Variants in TAP1 observed in about 807,000 individuals in gnomAD.
TAP1 encodes the protein antigen peptide transporter 1.
A neutral mutation model predicts 79.3 loss-of-function variants in TAP1; 56 were observed. The ratio of observed to expected loss-of-function variants is 0.71; its 90% confidence interval spans 0.57 to 0.88. TAP1 has a LOEUF of 0.88. TAP1 is among the 40% of genes least tolerant of loss of function. The probability of loss-of-function intolerance (pLI) is 0.00; values close to 1 mark genes in which losing one functional copy is unlikely to be tolerated. For missense variants in TAP1, 737 were observed against 936.3 expected (o/e 0.79, Z 2.78); for synonymous variants, 355 against 401.4 (o/e 0.88, Z 1.38).
chr6:32,847,206 TGCAGA>T lies in TAP1; in HGVS notation c.1904-7_1904-3del. ...GCTGGCTCCCAGCCTCGTCTACCTC[TGCAGA>T]GCAAAGGGCCAAGATGAGAACGGTA... is the stretch of plus-strand genomic sequence containing the variant. On this transcript the variant is annotated splice_polypyrimidine_tract_variant and splice_region_variant and intron_variant, in intron 9 of 10. Transcript: ENST00000354258. This position sits in a 1 kb window ranked among gnomAD's most constrained non-coding sequence, Gnocchi z 4.7. 1 of 1,611,522 alleles carries T rather than the reference TGCAGA, an allele frequency of 6.2e-7. No individual in the cohort carries two copies. Among genetic ancestry groups the T allele is most frequent in the Non-Finnish European group, 8.5e-7 (1 of 1,180,024 alleles).
Position 32,852,710 on chromosome 6 carries a change from TATTA to T in TAP1, c.599-212_599-209del. ...TGCTCTACCAGAACTTTCAGGATTT[TATTA>T]GGAAGGCTGGAGATCATGAAGTAGA... is the stretch of plus-strand genomic sequence containing the variant. On this transcript the variant is annotated intron_variant, in intron 1 of 10. Transcript: ENST00000354258. The surrounding 1 kb of genome is among the most constrained non-coding windows in gnomAD (Gnocchi z 4.8). 5 of 1,461,890 alleles carry T rather than the reference TATTA, an allele frequency of 3.4e-6. No individual in the cohort carries two copies. The highest frequency in any genetic ancestry group is 4.5e-6 in the Non-Finnish European group (5 of 1,113,236). 90.6% of individuals were successfully genotyped at this position (1,461,890 alleles called of 1,614,324 possible). A position where few individuals can be genotyped will look rare whatever the true frequency, so the allele number is the denominator to read the frequency against.
In TAP1 at chr6:32,850,295, T is replaced by C. The variant is rs776818838; in HGVS notation, c.1248+25A>G. ...TCACGGCATCTTAAGGACAAGGGAA[T>C]GGGTATTCATCTTCAGGTGCTCACA... On this transcript the variant is annotated intron_variant, in intron 5 of 10. Transcript: ENST00000354258. The surrounding 1 kb of genome is among the most constrained non-coding windows in gnomAD (Gnocchi z 5.5). 7 of 1,610,202 alleles carry C rather than the reference T, an allele frequency of 4.3e-6. No individual in the cohort carries two copies. The highest frequency in any genetic ancestry group is 6.0e-6 in the Non-Finnish European group (7 of 1,176,376).
chr6:32,853,674 G>T lies in TAP1; in HGVS notation c.-38C>A. ...GCCGTCCCGGTCCCGGCCGGGCCTGGGACTCTCCGCGCCCCGGTGGGGCCT... is the reference window on the plus strand; with the variant it reads ...GCCGTCCCGGTCCCGGCCGGGCCTGTGACTCTCCGCGCCCCGGTGGGGCCT... On this transcript the variant is annotated 5_prime_UTR_variant, in exon 1 of 11. Transcript: ENST00000354258. This position sits in a 1 kb window ranked among gnomAD's most constrained non-coding sequence, Gnocchi z 8.3. The T allele has an allele frequency of 6.3e-7, 1 of 1,589,096 alleles. No individual in the cohort carries two copies. The highest frequency in any genetic ancestry group is 2.3e-5 in the East Asian group (1 of 43,746).
Position 32,848,780 on chromosome 6 carries a change from C to G in TAP1, c.1438G>C (p.Glu480Gln). The change falls in exon 7 of 11, where the codon GAG becomes CAG. Residue 480 changes from glutamate to glutamine, a missense_variant. Physicochemically the swap from Glu to Gln is conservative, Grantham distance 29. This residue lies in a region of TAP1 where 14 missense variants were observed against 42.0 expected (regional missense o/e 0.33). Coordinates refer to ENST00000354258, the MANE Select transcript of TAP1 (RefSeq NM_000593.6). ...CAGCGAGGGGTGCGGTCCAGGTACTCAAATATTTTCTCTGAGGAGCCCACA... is the reference window on the plus strand; with the variant it reads ...CAGCGAGGGGTGCGGTCCAGGTACTGAAATATTTTCTCTGAGGAGCCCACA... The part of the protein sequence containing the change: ...KAVGSSEKIF[E>Q]YLDRTPRCPP... 1 of 1,614,040 alleles carries G rather than the reference C, an allele frequency of 6.2e-7. No homozygotes were observed. The highest frequency in any genetic ancestry group is 8.5e-7 in the Non-Finnish European group (1 of 1,180,032).
At position 32,847,357 on chromosome 6, in the gene TAP1, T is replaced by C; in HGVS notation, c.1904-153A>G. On this transcript the variant is annotated intron_variant, in intron 9 of 10. Transcript: ENST00000354258. The surrounding 1 kb of genome is among the most constrained non-coding windows in gnomAD (Gnocchi z 4.7). ...GGAGATTCTGGGAAGATGAACAGAA[T>C]CCTGAGGATGTCAGGATGAAGAAGC... is the stretch of plus-strand genomic sequence containing the variant. 2 of 1,496,798 alleles carry C rather than the reference T, an allele frequency of 1.3e-6. No individual in the cohort carries two copies. Among genetic ancestry groups the C allele is most frequent in the South Asian group, 2.3e-5 (2 of 86,290 alleles). The allele number at this position is 1,496,798 out of a possible 1,614,324, so 92.7% of individuals were successfully genotyped here. A position where few individuals can be genotyped will look rare whatever the true frequency, so the allele number is the denominator to read the frequency against.
chr6:32,852,281 G>T lies in TAP1; in HGVS notation c.714-42C>A, dbSNP rs946552571. The T allele has an allele frequency of 6.2e-7, 1 of 1,612,878 alleles. No individual in the cohort carries two copies. Among genetic ancestry groups the T allele is most frequent in the Non-Finnish European group, 8.5e-7 (1 of 1,180,008 alleles). On this transcript the variant is annotated intron_variant, in intron 2 of 10. Transcript: ENST00000354258. This position sits in a 1 kb window ranked among gnomAD's most constrained non-coding sequence, Gnocchi z 4.8. ...AAAAAAGGGGATCAGGGTGTGTTCA[G>T]GGAACAGACTGAAGGTCCCAGGTAT...
In TAP1 at chr6:32,847,721, G is replaced by A. The variant is rs368432560; in HGVS notation, c.1741-46C>T. The A allele has an allele frequency of 3.1e-6, 5 of 1,606,506 alleles. No homozygotes were observed. The highest frequency in any genetic ancestry group is 4.3e-6 in the Non-Finnish European group (5 of 1,174,174). On this transcript the variant is annotated intron_variant, in intron 8 of 10. Coordinates refer to ENST00000354258, the MANE Select transcript of TAP1 (RefSeq NM_000593.6). The surrounding 1 kb of genome is among the most constrained non-coding windows in gnomAD (Gnocchi z 4.7). ...GAGTCATAGAACAAGGCACATGGGA[G>A]TATGGTTATCTAGAGATCGAAGACT...
intron 5 of TAP1, chr6:32,849,644 A>G (rs891014852): frequency 2.2e-5 from 4 of 183,590 alleles, no homozygotes; most frequent in Admixed American, 1.6e-4. Context: ...CCAGCTACTC[A>G]GGAGGCTGAG....
chr6:32,853,073 C>T lies in TAP1; in HGVS notation c.564G>A (p.Ser188=). 1 of 1,612,600 alleles carries T rather than the reference C, an allele frequency of 6.2e-7. No individual in the cohort carries two copies. Among genetic ancestry groups the T allele is most frequent in the Non-Finnish European group, 8.5e-7 (1 of 1,179,976 alleles). The part of the protein sequence containing the change: ...GCLGSETRRL[S]LFLVLVVLSS... ...AGAGGACCACCAGGACCAGGAACAG[C>T]GAGAGGCGGCGCGTCTCCGAGCCCA... The change falls in exon 1 of 11, where the codon TCG becomes TCA. Residue 188 remains serine, a synonymous_variant. Coordinates refer to ENST00000354258, the MANE Select transcript of TAP1 (RefSeq NM_000593.6). This position sits in a 1 kb window ranked among gnomAD's most constrained non-coding sequence, Gnocchi z 8.3.
chr6:32,846,350 G>A (rs1053752), intron 10 of TAP1: 66,508 of 165,996 alleles, frequency 0.4, 13,646 homozygotes, highest in Middle Eastern at 0.53. Flanking sequence ...GGCTGGGCCC[G>A]GTGGCTCATG....
In TAP1 at chr6:32,848,682, G is replaced by C. The variant is rs1323949044; in HGVS notation, c.1536C>G (p.Tyr512Ter). The change falls in exon 7 of 11, where the codon TAC (tyrosine) becomes TAG (stop). Residue 512 changes from tyrosine (Y) to a stop codon, truncating the protein, a stop_gained. Transcript: ENST00000354258. LOFTEE classifies it high-confidence loss of function. ...LVQFQDVSFA[Y>*]PNRPDVLVLQ... ...GCACTAAGACATCTGGGCGGTTTGGGTAGGCAAAGGAGACATCTTGGAACT... is the reference window on the plus strand; with the variant it reads ...GCACTAAGACATCTGGGCGGTTTGGCTAGGCAAAGGAGACATCTTGGAACT... The C allele has an allele frequency of 6.2e-7, 1 of 1,614,008 alleles. No individual in the cohort carries two copies. Among genetic ancestry groups the C allele is most frequent in the Non-Finnish European group, 8.5e-7 (1 of 1,180,042 alleles).
intron 6 of TAP1, 64 bp downstream of exon 6, chr6:32,848,926 C>G (rs943316693): frequency 1.9e-6 from 3 of 1,612,516 alleles, no homozygotes; most frequent in Non-Finnish European, 2.5e-6. Context: ...GGAAGGACAT[C>G]ACACAGATGG....
chr6:32,853,187 TGCG>T lies in TAP1; in HGVS notation c.447_449del (p.Ala152del). On this transcript the variant is annotated inframe_deletion, in exon 1 of 11. Transcript: ENST00000354258. The surrounding 1 kb of genome is among the most constrained non-coding windows in gnomAD (Gnocchi z 8.3). ...TCCCGAGTTTGTGCCACAGGGCTGC[TGCG>T]GGCAGTGCCGCTGCATAACTGACAA... 6.2e-7 allele frequency: 1 copy of T among 1,612,450 alleles called. No individual in the cohort carries two copies. Among genetic ancestry groups the T allele is most frequent in the Non-Finnish European group, 8.5e-7 (1 of 1,179,794 alleles).
chr6:32,853,028 G>T lies in TAP1; in HGVS notation c.598+11C>A, dbSNP rs766011061. 1.9e-6 allele frequency: 3 copies of T among 1,610,208 alleles called. No homozygotes were observed. The highest frequency in any genetic ancestry group is 2.5e-6 in the Non-Finnish European group (3 of 1,179,826). On this transcript the variant is annotated intron_variant, in intron 1 of 10. Coordinates refer to ENST00000354258, the MANE Select transcript of TAP1 (RefSeq NM_000593.6). This position sits in a 1 kb window ranked among gnomAD's most constrained non-coding sequence, Gnocchi z 8.3. ...CTTGTGTCCTCCCCTCTTGCCCTGC[G>T]TTCCCCTTACCAAGAGAGGAGAGGA...
Position 32,847,448 on chromosome 6 carries a change from G to T in TAP1, c.1903+65C>A, listed in dbSNP as rs1770502617. 2 of 1,607,414 alleles carry T rather than the reference G, an allele frequency of 1.2e-6. No individual in the cohort carries two copies. Among genetic ancestry groups the T allele is most frequent in the East Asian group, 2.2e-5 (1 of 44,882 alleles). ...AGTAAGGAGGAACTGAAGGATAAAG[G>T]CAAGACTACTGGGGTTTCAGCAAAG... On this transcript the variant is annotated intron_variant, in intron 9 of 10. Transcript: ENST00000354258. This position sits in a 1 kb window ranked among gnomAD's most constrained non-coding sequence, Gnocchi z 4.7.
rs371137341 is a variant in TAP1, at chr6:32,852,081, C to T, written c.844+28G>A. On this transcript the variant is annotated intron_variant, in intron 3 of 10. Coordinates refer to ENST00000354258, the MANE Select transcript of TAP1 (RefSeq NM_000593.6). The surrounding 1 kb of genome is among the most constrained non-coding windows in gnomAD (Gnocchi z 4.8). ...GTATGAGGATATGAACAGTACATGG[C>T]GTATAATGAAAGAGTTTCAGGAGAA... The T allele has an allele frequency of 7.1e-5, 115 of 1,612,688 alleles. No homozygotes were observed. The African/African-American group carries it at 1.4e-3, about 20-fold the overall frequency.
At position 32,847,411 on chromosome 6, in the gene TAP1, T is replaced by C; in HGVS notation, c.1903+102A>G. ...AGGAGCATGATCTTACAACTTCAAA[T>C]TGATGTCCATGAGTAAGGAGGAACT... On this transcript the variant is annotated intron_variant, in intron 9 of 10. Transcript: ENST00000354258. The surrounding 1 kb of genome is among the most constrained non-coding windows in gnomAD (Gnocchi z 4.7). The C allele has an allele frequency of 6.4e-7, 1 of 1,562,028 alleles. No homozygotes were observed. The highest frequency in any genetic ancestry group is 8.8e-7 in the Non-Finnish European group (1 of 1,134,802).
At position 32,853,678 on chromosome 6, in the gene TAP1, T is replaced by C; in HGVS notation, c.-42A>G. The C allele has an allele frequency of 5.0e-6, 8 of 1,585,000 alleles. No homozygotes were observed. Among genetic ancestry groups the C allele is most frequent in the Non-Finnish European group, 6.9e-6 (8 of 1,167,700 alleles). ...TCCCGGTCCCGGCCGGGCCTGGGAC[T>C]CTCCGCGCCCCGGTGGGGCCTGAAG... On this transcript the variant is annotated 5_prime_UTR_variant, in exon 1 of 11. Transcript: ENST00000354258. This position sits in a 1 kb window ranked among gnomAD's most constrained non-coding sequence, Gnocchi z 8.3.
chr6:32,845,915 G>T lies in TAP1; in HGVS notation c.2041-130C>A. The T allele has an allele frequency of 1.3e-6, 1 of 748,044 alleles. No homozygotes were observed. Among genetic ancestry groups the T allele is most frequent in the South Asian group, 1.5e-5 (1 of 67,924 alleles). 46.3% of individuals were successfully genotyped at this position (748,044 alleles called of 1,614,324 possible). A position where few individuals can be genotyped will look rare whatever the true frequency, so the allele number is the denominator to read the frequency against. On this transcript the variant is annotated intron_variant, in intron 10 of 10. Transcript: ENST00000354258. The surrounding 1 kb of genome is among the most constrained non-coding windows in gnomAD (Gnocchi z 4.5). ...TGCTAACAACCCCAAGGACACCAAC[G>T]TTTCCCATTCTGAGTACTTCTCCGC... is the stretch of plus-strand genomic sequence containing the variant.
Sources: allele counts gnomAD v4.1 joint callset, GRCh38; gene constraint gnomAD v4.1.1; regional missense constraint gnomAD v4.1.1; non-coding constraint Gnocchi (gnomAD v3.1); transcripts MANE v1.5; gene names NCBI Gene and HGNC (gene_info 2026-07-23, HGNC 2026-07-21).